The following NRL variants were observed in gnomAD, a reference collection of about 807,000 sequenced individuals.
NRL encodes neural retina leucine zipper.
Under a neutral mutation model 12.5 loss-of-function variants are expected in NRL, and 16 were observed. The observed-to-expected ratio is 1.28, with a 90% CI of 0.87 to 1.95. The LOEUF is 1.95. NRL is among the 30% of genes most tolerant of loss of function. NRL has a pLI of 0.00. For missense variants in NRL, 314 were observed against 325.8 expected, an observed-to-expected ratio of 0.96 and a Z score of 0.28; for synonymous variants, 142 against 150.9, an observed-to-expected ratio of 0.94 and a Z score of 0.43.
At chr14:24,102,711 A>C in intron 1 of NRL, 1 of 1,586,400 alleles carries the variant, frequency 6.3e-7, no homozygotes, top group South Asian at 1.1e-5. Flanking sequence ...TTGGGGGTCG[A>C]CATGACCTTG....
intron 1 of NRL, among the ~76,000 whole-genome samples, chr14:24,101,185 TC>T (rs1477781412): frequency 6.6e-6 from 1 of 152,208 alleles, no homozygotes; most frequent in Non-Finnish European, 1.5e-5. Flanking sequence ...ACAGGCTAGT[TC>T]CCCAACCCTT....
intron 1 of NRL, chr14:24,096,953 C>T (rs962594037): frequency 5.6e-6 from 9 of 1,613,204 alleles, no homozygotes; most frequent in African/African-American, 2.7e-5. Flanking sequence ...CCAGACCCTG[C>T]GAGTGCTTAG....
intron 1 of NRL, chr14:24,099,854 C>A: frequency 6.4e-7 from 1 of 1,552,316 alleles, no homozygotes; most frequent in Non-Finnish European, 8.9e-7. Flanking sequence ...CCTCTGGCAG[C>A]CCAGCCACCC....
At chr14:24,104,040 G>A (rs1393862343) in intron 1 of NRL, 2 of 997,858 alleles carry the variant, frequency 2.0e-6, no homozygotes, top group African/African-American at 3.2e-5. Flanking sequence ...GAAAATATGA[G>A]CAATTTGATA....
chr14:24,099,462 G>A, intron 1 of NRL: 1 of 1,193,254 alleles, frequency 8.4e-7, no homozygotes, highest in South Asian at 1.5e-5. Context: ...AATAAACATT[G>A]GTCCTCCCTA....
At chr14:24,090,282 C>A (rs1018000304) in intron 1 of NRL, among the ~76,000 whole-genome samples, 5 of 8,612 alleles carry the variant, frequency 5.8e-4, no homozygotes, top group African/African-American at 1.9e-3. Context: ...GGGGGGGGGG[C>A]ACGGGGGGGG....
chr14:24,099,787 T>C, intron 1 of NRL: 1 of 1,526,882 alleles, frequency 6.5e-7, no homozygotes, highest in Non-Finnish European at 9.1e-7. Context: ...TCCTCTCTAG[T>C]GTTCACAATG....
rs773650635 is a variant in NRL at position 24,082,494 on chromosome 14, CTG to C, written c.353_354del (p.Pro118ArgfsTer102). 6.2e-7 allele frequency: 1 copy of C among 1,612,958 alleles called. No homozygotes were observed. The highest frequency in any genetic ancestry group is 1.3e-5 in the African/African-American group (1 of 75,044). On this transcript the variant is annotated frameshift_variant, in exon 2 of 3. Transcript: ENST00000561028. LOFTEE classifies it high-confidence loss of function. ...TGGACGTGCTGGGCTCCTGTCTCCT[CTG>C]GGCTCCCTGGGTAGTAGCCATGGGG... ...DGPHGYYPGS[P>X]EETGAQHVQL... is the part of the protein sequence containing the mutation.
chr14:24,094,503 G>A lies in NRL; in HGVS notation c.-27-11628C>T. The A allele has an allele frequency of 6.8e-7, 1 of 1,469,176 alleles. No individual in the cohort carries two copies. The highest frequency in any genetic ancestry group is 2.5e-5 in the East Asian group (1 of 39,400). 91.0% of individuals were successfully genotyped at this position (1,469,176 alleles called of 1,614,324 possible). ...GCTCGCCCCCTCGGGGCTGCCAGTG[G>A]CGCTCTCCTGCTCTCAGCCTCCGCC... On this transcript the variant is annotated intron_variant, in intron 1 of 2. Transcript: ENST00000561028. The surrounding 1 kb of genome is among the most constrained non-coding windows in gnomAD (Gnocchi z 4.1).
Position 24,081,750 on chromosome 14 carries a change from C to T in NRL, c.382-182G>A, listed in dbSNP as rs1379805973. ...AGCCCGCCCCAGGCCCCGACGCTCC[C>T]CGGGCCCCCCAGCTGACCGTTGCTC... On this transcript the variant is annotated intron_variant, in intron 2 of 2. Coordinates refer to ENST00000561028, the MANE Select transcript of NRL (RefSeq NM_001354768.3). This position sits in a 1 kb window ranked among gnomAD's most constrained non-coding sequence, Gnocchi z 4.4. 4 of 1,521,616 alleles carry T rather than the reference C, an allele frequency of 2.6e-6. No homozygotes were observed. The highest frequency in any genetic ancestry group is 1.8e-6 in the Non-Finnish European group (2 of 1,140,582). 94.3% of individuals were successfully genotyped at this position (1,521,616 alleles called of 1,614,324 possible).
At chr14:24,107,647 C>T (rs1566585173) in intron 1 of NRL, among the ~76,000 whole-genome samples, 1 of 152,202 alleles carries the variant, frequency 6.6e-6, no homozygotes, top group Non-Finnish European at 1.5e-5. Flanking sequence ...TTTCAAGTCT[C>T]TATCAGTCTA....
rs964537438 is a variant in NRL at position 24,084,809 on chromosome 14, G to A, written c.-27-1934C>T. On this transcript the variant is annotated intron_variant, in intron 1 of 2. Transcript: ENST00000561028. Reference sequence around the variant, plus strand: ...TGTGCTTATTCTCAAAGAAGGAAAGGGAGCATCTTCCCCAACAAAGCTCCT... The same window carrying A: ...TGTGCTTATTCTCAAAGAAGGAAAGAGAGCATCTTCCCCAACAAAGCTCCT... 11 of 702,254 alleles carry A rather than the reference G, an allele frequency of 1.6e-5. No homozygotes were observed. In the Admixed American group the frequency reaches 1.9e-4, roughly 12 times the overall value. The allele number at this position is 702,254 out of a possible 1,614,324, so 43.5% of individuals were successfully genotyped here. A position where few individuals can be genotyped will look rare whatever the true frequency, so the allele number is the denominator to read the frequency against.
rs777117778 is a variant in NRL at position 24,096,936 on chromosome 14, G to C, written c.-27-14061C>G. ...AGCCCCTTGGGCTGGCCATCATGCC[G>C]TAGCATCCAGACCCTGCGAGTGCTT... On this transcript the variant is annotated intron_variant, in intron 1 of 2. Transcript: ENST00000561028. 2.5e-6 allele frequency: 4 copies of C among 1,613,398 alleles called. No homozygotes were observed. In the East Asian group the frequency reaches 6.7e-5, roughly 27 times the overall value.
At chr14:24,103,885 CAG>C in intron 1 of NRL, 1 of 1,614,114 alleles carries the variant, frequency 6.2e-7, no homozygotes, top group Admixed American at 1.7e-5. Context: ...AGCTACCTGA[CAG>C]AGCAGGTCAA....
Position 24,081,823 on chromosome 14 carries a change from G to C in NRL, c.382-255C>G. 6.9e-7 allele frequency: 1 copy of C among 1,441,388 alleles called. No homozygotes were observed. Among genetic ancestry groups the C allele is most frequent in the Non-Finnish European group, 9.1e-7 (1 of 1,100,008 alleles). The allele number at this position is 1,441,388 out of a possible 1,614,324, so 89.3% of individuals were successfully genotyped here. On this transcript the variant is annotated intron_variant, in intron 2 of 2. Transcript: ENST00000561028. This position sits in a 1 kb window ranked among gnomAD's most constrained non-coding sequence, Gnocchi z 4.4. ...TGCAGGGCCGGCCACGGTCAGGCGAGCCCGTCGCGCACCTAAACCCCGGGC... is the reference window on the plus strand; with the variant it reads ...TGCAGGGCCGGCCACGGTCAGGCGACCCCGTCGCGCACCTAAACCCCGGGC...
intron 2 of NRL, 56 bp downstream of exon 2, chr14:24,082,412 G>A (rs997232921): frequency 1.2e-6 from 2 of 1,605,286 alleles, no homozygotes; most frequent in African/African-American, 1.3e-5. Flanking sequence ...TTCCTCTCTT[G>A]GGCAGTCCTC....
intron 1 of NRL, among the ~76,000 whole-genome samples, chr14:24,089,704 C>T (rs1437406653): frequency 6.6e-6 from 1 of 152,152 alleles, no homozygotes; most frequent in East Asian, 1.9e-4. Flanking sequence ...AATTTTCTTC[C>T]ACGAAGACAT....
chr14:24,114,465 A>G lies in NRL; in HGVS notation c.-28+257T>C, dbSNP rs1015095886. On this transcript the variant is annotated intron_variant, in intron 1 of 2. Coordinates refer to ENST00000561028, the MANE Select transcript of NRL (RefSeq NM_001354768.3). ...GTGGGGAGAAAGGAGGCCCTTGGGC[A>G]CTGTCTGAAAAGTGCGATGCCAAAT... 5.0e-5 allele frequency: 8 copies of G among 161,064 alleles called. No homozygotes were observed. The Admixed American group carries it at 5.2e-4, about 11-fold the overall frequency. 10.0% of individuals were successfully genotyped at this position (161,064 alleles called of 1,614,324 possible).
chr14:24,110,342 C>CA (rs1188554582), intron 1 of NRL: 5 of 395,996 alleles, frequency 1.3e-5, no homozygotes, highest in Non-Finnish European at 2.6e-5. Flanking sequence ...TTCCTGTGGT[C>CA]AAGCGAGCTG....
Sources: allele counts gnomAD v4.1 joint callset (sites outside exome capture counted in the v4.1 genomes callset), GRCh38; gene constraint gnomAD v4.1.1; non-coding constraint Gnocchi (gnomAD v3.1); transcripts MANE v1.5; gene names NCBI Gene and HGNC (gene_info 2026-07-23, HGNC 2026-07-21).